Variants in ST8SIA4 observed in about 807,000 individuals in gnomAD.
The protein encoded by ST8SIA4 is CMP-N-acetylneuraminate-poly-alpha-2,8-sialyltransferase.
In ST8SIA4, 15 loss-of-function variants were observed where a neutral mutation model predicts 33.9. The observed-to-expected ratio is 0.44, with a 90% confidence interval of 0.30 to 0.68. The LOEUF is 0.68. Among genes scored for constraint, ST8SIA4 ranks in the 30% least tolerant of loss-of-function variants. The pLI, the probability that ST8SIA4 is intolerant of heterozygous loss-of-function variation, is 0.10. For missense variants in ST8SIA4, 321 were observed against 428.0 expected (o/e 0.75, Z 2.21); for synonymous variants, 171 against 151.2 (o/e 1.13, Z -0.96).
At chr5:100,895,530 G>T in intron 2 of ST8SIA4, 124 bp downstream of exon 2, 1 of 914,818 alleles carries the variant, frequency 1.1e-6, no homozygotes, top group Non-Finnish European at 1.6e-6. Flanking sequence ...AATAGAGCTG[G>T]TTCATTCTTT....
In ST8SIA4 at chr5:100,895,757, G is replaced by C. The variant is rs760805096; in HGVS notation, c.142C>G (p.Leu48Val). 2.5e-6 allele frequency: 4 copies of C among 1,612,682 alleles called. No homozygotes were observed. The highest frequency in any genetic ancestry group is 3.3e-5 in the Admixed American group (2 of 59,990). Residue 48 changes from leucine to valine, a missense_variant, in exon 2 of 5, where the codon CTT becomes GTT. By Grantham distance (32) the Leu-to-Val change is conservative. Transcript: ENST00000231461. ...ATGATTTTATCAGAGCTATTGACAA[G>C]TGACCGACTCAAAGACAATTCACCA... ...GDGELSLSRS[L>V]VNSSDKIIRK...
chr5:100,812,262 A>T (rs981171433), intron 4 of ST8SIA4, 133 bp from the exon 5 acceptor site: 24 of 678,958 alleles, frequency 3.5e-5, no homozygotes, highest in Non-Finnish European at 4.9e-5. Context: ...TACTGAAGAA[A>T]TATTTTTAAG....
chr5:100,880,531 C>T (rs1752395639), intron 3 of ST8SIA4, among the ~76,000 whole-genome samples: 1 of 152,076 alleles, frequency 6.6e-6, no homozygotes, highest in African/African-American at 2.4e-5. Context: ...TTCAGATTAC[C>T]TCATTTATTG....
chr5:100,821,236 C>T (rs1580448885), intron 4 of ST8SIA4, among the ~76,000 whole-genome samples: 1 of 150,674 alleles, frequency 6.6e-6, no homozygotes, highest in East Asian at 1.9e-4. Flanking sequence ...TGGAGTCCTA[C>T]AAAGAAAAAA....
At chr5:100,823,453 C>T (rs1441495639) in intron 4 of ST8SIA4, among the ~76,000 whole-genome samples, 3 of 152,142 alleles carry the variant, frequency 2.0e-5, no homozygotes, top group Non-Finnish European at 4.4e-5. Context: ...ACGGACTTGC[C>T]GTGAATTCTT....
chr5:100,819,679 A>G (rs1349357019), intron 4 of ST8SIA4, among the ~76,000 whole-genome samples: 1 of 152,212 alleles, frequency 6.6e-6, no homozygotes, highest in Non-Finnish European at 1.5e-5. Flanking sequence ...ATCAATTTAA[A>G]AAATTACTTA....
rs1210297733 is a variant in ST8SIA4 at position 100,812,015 on chromosome 5, A to G, written c.912T>C (p.Pro304=). The G allele has an allele frequency of 1.2e-6, 2 of 1,614,148 alleles. No homozygotes were observed. Among genetic ancestry groups the G allele is most frequent in the East Asian group, 4.5e-5 (2 of 44,866 alleles). ...TGACCGCTTTTCCATTTAAATCCTT[A>G]GGGAAGGGCCAGAATCCATACAGGT... The part of the protein sequence containing the change: ...EIHLYGFWPF[P]KDLNGKAVKY... Residue 304 remains proline, a synonymous_variant, in exon 5 of 5, where the codon CCT becomes CCC. Transcript: ENST00000231461.
chr5:100,825,570 G>A (rs1266102534), intron 4 of ST8SIA4, among the ~76,000 whole-genome samples: 3 of 152,110 alleles, frequency 2.0e-5, no homozygotes, highest in Admixed American at 6.6e-5. Flanking sequence ...TAAAGAAAGC[G>A]AAGGATACTC....
chr5:100,885,453 T>C, intron 3 of ST8SIA4: 3 of 931,690 alleles, frequency 3.2e-6, no homozygotes, highest in Non-Finnish European at 3.8e-6. Flanking sequence ...ATTCAAAAAA[T>C]ATTCAAAATA....
chr5:100,901,123 A>G (rs943644151), intron 1 of ST8SIA4, among the ~76,000 whole-genome samples: 5 of 152,234 alleles, frequency 3.3e-5, no homozygotes, highest in African/African-American at 1.2e-4. Flanking sequence ...ACACCCGTGC[A>G]ATGCGGAGTG....
chr5:100,832,556 C>T (rs1190527811), intron 4 of ST8SIA4, among the ~76,000 whole-genome samples: 1 of 152,074 alleles, frequency 6.6e-6, no homozygotes, highest in African/African-American at 2.4e-5. Flanking sequence ...GGTTACTGCA[C>T]TAAAATGTAT....
Position 100,891,150 on chromosome 5 carries a change from A to G in ST8SIA4, c.245+4504T>C, listed in dbSNP as rs147797223. Among the ~76,000 whole-genome samples the G allele has an allele frequency of 9.5e-3, 1,450 of 152,146 alleles. 10 individuals are homozygous for G. The highest frequency in any genetic ancestry group is 0.014 in the Middle Eastern group (4 of 294). On this transcript the variant is annotated intron_variant, in intron 2 of 4. Transcript: ENST00000231461. ...TTGCAACTAAAATTTAATCTAAATGACATTGTTAACTCCATCAGAAAATAC... is the reference window on the plus strand; with the variant it reads ...TTGCAACTAAAATTTAATCTAAATGGCATTGTTAACTCCATCAGAAAATAC...
chr5:100,889,315 A>G (rs752162330), intron 2 of ST8SIA4, among the ~76,000 whole-genome samples: 1 of 151,952 alleles, frequency 6.6e-6, no homozygotes, highest in Non-Finnish European at 1.5e-5. Context: ...AATAGAGACT[A>G]CACGGATGTG....
chr5:100,866,068 G>GAAT (rs2112451186), intron 3 of ST8SIA4, among the ~76,000 whole-genome samples: 1 of 152,252 alleles, frequency 6.6e-6, no homozygotes, highest in East Asian at 1.9e-4. Flanking sequence ...GTAATTCTCA[G>GAAT]TGCCTTCAGA....
chr5:100,817,085 G>A (rs1269053046), intron 4 of ST8SIA4, among the ~76,000 whole-genome samples: 2 of 144,160 alleles, frequency 1.4e-5, no homozygotes, highest in African/African-American at 5.1e-5. Flanking sequence ...TGGGATTACA[G>A]GCGCCCACTA....
intron 4 of ST8SIA4, among the ~76,000 whole-genome samples, chr5:100,826,233 T>G (rs1751140863): frequency 1.3e-5 from 2 of 152,062 alleles, no homozygotes; most frequent in Admixed American, 6.5e-5. Flanking sequence ...CCCTGGCCAG[T>G]TCCCCTATTC....
At position 100,854,835 on chromosome 5, in the gene ST8SIA4, C is replaced by T. The variant is rs138195627; in HGVS notation, c.797+1268G>A. Among the ~76,000 whole-genome samples the T allele has an allele frequency of 2.7e-3, 407 of 152,090 alleles. 2 individuals are homozygous for T. The highest frequency in any genetic ancestry group is 4.6e-3 in the Admixed American group (71 of 15,278). On this transcript the variant is annotated intron_variant, in intron 4 of 4. Coordinates refer to ENST00000231461, the MANE Select transcript of ST8SIA4 (RefSeq NM_005668.6). ...CTTGTATCCATTGTATTTAATTGGCCCCCTGAACTTGCCCTTCCTTTCCAA... is the reference window on the plus strand; with the variant it reads ...CTTGTATCCATTGTATTTAATTGGCTCCCTGAACTTGCCCTTCCTTTCCAA...
intron 4 of ST8SIA4, among the ~76,000 whole-genome samples, chr5:100,815,367 C>A (rs1750892959): frequency 6.6e-6 from 1 of 151,780 alleles, no homozygotes. Context: ...TATTTTTCAT[C>A]AGAGAGGTTA....
intron 4 of ST8SIA4, among the ~76,000 whole-genome samples, chr5:100,817,758 G>C (rs919578666): frequency 6.6e-6 from 1 of 152,182 alleles, no homozygotes; most frequent in Admixed American, 6.5e-5. Flanking sequence ...TGAACTTGCT[G>C]AGAATAATTC....
Sources: gnomAD v4.1 joint callset for allele counts (sites outside exome capture counted in the v4.1 genomes callset) on GRCh38, gnomAD v4.1.1 for gene constraint, MANE v1.5 for transcripts, NCBI Gene and HGNC (gene_info 2026-07-23, HGNC 2026-07-21) for gene names.